PSMA1: variants seen among roughly 807,000 people sequenced by gnomAD.
PSMA1 encodes the protein proteasome 20S subunit alpha 1.
Under a neutral mutation model 38.4 loss-of-function variants are expected in PSMA1, and 3 were observed. That is an observed-to-expected ratio of 0.08 (90% confidence interval 0.04 to 0.20). The LOEUF is 0.20. PSMA1 is among the 10% of genes least tolerant of loss of function. The pLI is 1.00. For missense variants in PSMA1, 227 were observed against 325.3 expected (o/e 0.70, Z 2.32); for synonymous variants, 101 against 107.1 (o/e 0.94, Z 0.35).
chr11:14,535,022 C>T (rs563721587), intron 2 of PSMA1, among the ~76,000 whole-genome samples: 27 of 152,106 alleles, frequency 1.8e-4, no homozygotes, highest in Non-Finnish European at 3.4e-4. Context: ...TGCAGTGGGC[C>T]GAGATTGCAC....
At chr11:14,612,467 AAG>A (rs1326990759) in intron 1 of PSMA1, among the ~76,000 whole-genome samples, 1 of 152,144 alleles carries the variant, frequency 6.6e-6, no homozygotes, top group East Asian at 1.9e-4. Context: ...TAAAACAGGA[AAG>A]AGACATTTAA....
intron 4 of PSMA1, among the ~76,000 whole-genome samples, chr11:14,516,785 G>C (rs190571973): frequency 6.6e-6 from 1 of 152,252 alleles, no homozygotes; most frequent in East Asian, 1.9e-4. Flanking sequence ...AATTAGCCAG[G>C]CGTGGTGGCG....
chr11:14,605,822 G>A (rs966552068), intron 2 of PSMA1, among the ~76,000 whole-genome samples: 2 of 152,144 alleles, frequency 1.3e-5, no homozygotes, highest in Admixed American at 6.5e-5. Context: ...TTCTCCCAAC[G>A]TGTAGGTTGT....
At chr11:14,575,725 T>C (rs902935920) in intron 2 of PSMA1, among the ~76,000 whole-genome samples, 1 of 152,212 alleles carries the variant, frequency 6.6e-6, no homozygotes, top group African/African-American at 2.4e-5. Context: ...AACATACGTG[T>C]GCATGTGTCT....
At chr11:14,546,861 T>A (rs1251808209) in intron 2 of PSMA1, among the ~76,000 whole-genome samples, 1 of 152,236 alleles carries the variant, frequency 6.6e-6, no homozygotes, top group African/African-American at 2.4e-5. Flanking sequence ...GGGAGTAACC[T>A]AGCTCAAACC....
chr11:14,521,776 A>C (rs568919139), upstream of PSMA1, among the ~76,000 whole-genome samples: 7 of 151,388 alleles, frequency 4.6e-5, no homozygotes, highest in East Asian at 9.7e-4. Flanking sequence ...AAAAAAAAAA[A>C]AACAAAAAAC....
intron 1 of PSMA1, among the ~76,000 whole-genome samples, chr11:14,638,228 G>A (rs542545072): frequency 2.0e-4 from 31 of 152,124 alleles, no homozygotes; most frequent in African/African-American, 7.2e-4. Context: ...CCTTTCAAAT[G>A]AAGTTCCCAG....
intron 2 of PSMA1, among the ~76,000 whole-genome samples, chr11:14,557,857 T>C (rs190261758): frequency 6.6e-6 from 1 of 152,272 alleles, no homozygotes; most frequent in Admixed American, 6.5e-5. Flanking sequence ...CAAATAATCT[T>C]TTCTTTCTAC....
chr11:14,591,202 C>T (rs1307638676), intron 2 of PSMA1, among the ~76,000 whole-genome samples: 1 of 152,252 alleles, frequency 6.6e-6, no homozygotes, highest in Admixed American at 6.5e-5. Context: ...ACTTGGCACC[C>T]AGGCCAGTGG....
chr11:14,525,020 CCTT>C (rs375818908), upstream of PSMA1, among the ~76,000 whole-genome samples: 131 of 152,204 alleles, frequency 8.6e-4, no homozygotes, highest in African/African-American at 2.6e-3. Flanking sequence ...AAGTCCGTCT[CCTT>C]CTTAATCAAT....
intron 1 of PSMA1, among the ~76,000 whole-genome samples, chr11:14,641,115 C>T (rs768956836): frequency 7.3e-5 from 11 of 150,856 alleles, no homozygotes; most frequent in South Asian, 2.1e-4. Flanking sequence ...CACCACGGCA[C>T]GTGTATACCT....
chr11:14,590,829 A>C (rs1160158728), intron 2 of PSMA1, among the ~76,000 whole-genome samples: 1 of 152,322 alleles, frequency 6.6e-6, no homozygotes, highest in African/African-American at 2.4e-5. Context: ...ATCTTCTCTC[A>C]CAGACTCACA....
intron 1 of PSMA1, among the ~76,000 whole-genome samples, chr11:14,616,497 G>A (rs1852775748): frequency 6.6e-6 from 1 of 152,024 alleles, no homozygotes; most frequent in African/African-American, 2.4e-5. Flanking sequence ...CTTCCAAAGT[G>A]CTAAGACTAC....
rs1853040606 is a variant in PSMA1 at position 14,632,717 on chromosome 11, T to G, written c.-166+10738A>C. Reference sequence around the variant, plus strand: ...TCCTGAATCTGAACGTTGGCCTGCCTTGCTAGATTGGGGAAGTTCTCCTGG... The same window carrying G: ...TCCTGAATCTGAACGTTGGCCTGCCGTGCTAGATTGGGGAAGTTCTCCTGG... On this transcript the variant is annotated intron_variant, in intron 1 of 10. Coordinates refer to the PSMA1 transcript ENST00000418988. Among the ~76,000 whole-genome samples the G allele has an allele frequency of 6.8e-5, 10 of 147,062 alleles. No individual in the cohort carries two copies. In the South Asian group the frequency reaches 2.2e-3, roughly 32 times the overall value.
chr11:14,617,697 A>ATATGTG (rs1554973315), intron 1 of PSMA1, among the ~76,000 whole-genome samples: 1 of 133,872 alleles, frequency 7.5e-6, no homozygotes, highest in African/African-American at 3.1e-5. Context: ...ATATATATAT[A>ATATGTG]TGTGTGTGTG....
chr11:14,546,580 G>A (rs1851830310), intron 2 of PSMA1, among the ~76,000 whole-genome samples: 3 of 152,096 alleles, frequency 2.0e-5, no homozygotes, highest in African/African-American at 7.2e-5. Flanking sequence ...TAGGATTACA[G>A]GCGTGTGTCA....
intron 1 of PSMA1, among the ~76,000 whole-genome samples, chr11:14,641,611 T>C (rs773322938): frequency 9.2e-5 from 14 of 152,192 alleles, no homozygotes; most frequent in Non-Finnish European, 1.6e-4. Flanking sequence ...CTTGTAGCCT[T>C]ATAAAAACCT....
chr11:14,611,404 G>A (rs1049117115), intron 1 of PSMA1, among the ~76,000 whole-genome samples: 4 of 152,140 alleles, frequency 2.6e-5, no homozygotes, highest in Admixed American at 6.5e-5. Context: ...GTCAATAAAT[G>A]TTAACAATTA....
chr11:14,536,265 G>A (rs377456963), intron 2 of PSMA1, among the ~76,000 whole-genome samples: 10 of 152,222 alleles, frequency 6.6e-5, no homozygotes, highest in African/African-American at 2.2e-4. Flanking sequence ...GGTGGCTCAC[G>A]CCTGTAATCC....
Sources: gnomAD v4.1 joint callset for allele counts (sites outside exome capture counted in the v4.1 genomes callset) on GRCh38, gnomAD v4.1.1 for gene constraint, MANE v1.5 for transcripts, NCBI Gene and HGNC (gene_info 2026-07-23, HGNC 2026-07-21) for gene names.